Variants in FAM184A observed in about 807,000 individuals in gnomAD.
FAM184A encodes family with sequence similarity 184 member A, also known as protein FAM184A.
Under a neutral mutation model 143.8 loss-of-function variants are expected in FAM184A, and 99 were observed. That is an observed-to-expected ratio of 0.69 (90% CI 0.58 to 0.81). The LOEUF is 0.81. Among genes scored for constraint, FAM184A ranks in the 40% least tolerant of loss-of-function variants. The pLI, the probability that FAM184A is intolerant of heterozygous loss-of-function variation, is 0.00. For missense variants in FAM184A, 1,217 were observed against 1,310.5 expected (o/e 0.93, Z 1.10); for synonymous variants, 427 against 446.4 (o/e 0.96, Z 0.55).
At chr6:119,036,563 A>C (rs1786122168) in intron 1 of FAM184A, among the ~76,000 whole-genome samples, 1 of 151,992 alleles carries the variant, frequency 6.6e-6, no homozygotes, top group African/African-American at 2.4e-5. Flanking sequence ...GTTTCCCCAG[A>C]TTTAACTTGA....
intron 17 of FAM184A, among the ~76,000 whole-genome samples, chr6:118,961,341 TTATAAA>T (rs1783317262): frequency 6.7e-6 from 1 of 149,636 alleles, no homozygotes; most frequent in Non-Finnish European, 1.5e-5. Flanking sequence ...ATATATATAT[TTATAAA>T]TAATCTTGGT....
chr6:119,019,570 A>G (rs896748549), intron 4 of FAM184A, among the ~76,000 whole-genome samples: 3 of 152,204 alleles, frequency 2.0e-5, no homozygotes, highest in Non-Finnish European at 2.9e-5. Flanking sequence ...TAGAAATTCA[A>G]TTATCTTGGT....
intron 1 of FAM184A, among the ~76,000 whole-genome samples, chr6:119,092,974 A>G (rs1023394183): frequency 4.6e-5 from 7 of 152,222 alleles, no homozygotes; most frequent in Non-Finnish European, 5.9e-5. Context: ...AACCCTGGTT[A>G]CCCCTATAGT....
intron 14 of FAM184A, among the ~76,000 whole-genome samples, chr6:118,967,630 A>G (rs1783542611): frequency 6.6e-6 from 1 of 152,202 alleles, no homozygotes; most frequent in Non-Finnish European, 1.5e-5. Context: ...GCCACTTTTT[A>G]TAAGCAGGTG....
chr6:119,009,922 A>C (rs1785039959), intron 6 of FAM184A, among the ~76,000 whole-genome samples: 1 of 152,204 alleles, frequency 6.6e-6, no homozygotes, highest in Non-Finnish European at 1.5e-5. Flanking sequence ...AATTAAGAAT[A>C]AAATCTCTTT....
At chr6:119,023,840 A>ATTAT in intron 2 of FAM184A, 119 bp downstream of exon 2, 1 of 676,838 alleles carries the variant, frequency 1.5e-6, no homozygotes, top group Non-Finnish European at 2.2e-6. Flanking sequence ...AAAAAAAAAA[A>ATTAT]AAGTCTAAGT....
At chr6:119,032,995 T>TAC (rs1260465959) in intron 1 of FAM184A, among the ~76,000 whole-genome samples, 1 of 152,154 alleles carries the variant, frequency 6.6e-6, no homozygotes, top group Non-Finnish European at 1.5e-5. Flanking sequence ...AGCAGGAACA[T>TAC]ACACTAAACC....
intron 1 of FAM184A, among the ~76,000 whole-genome samples, chr6:119,064,502 A>T (rs1001493842): frequency 6.6e-6 from 1 of 152,176 alleles, no homozygotes. Flanking sequence ...GAAGTTTGAG[A>T]TCAGCCTGGC....
chr6:119,148,075 C>A (rs973634425), intron 1 of FAM184A, among the ~76,000 whole-genome samples: 1 of 152,240 alleles, frequency 6.6e-6, no homozygotes, highest in Non-Finnish European at 1.5e-5. Context: ...AACCTGCTTA[C>A]TGTCAACCCA....
At chr6:119,061,749 A>G (rs1402435004) in intron 1 of FAM184A, among the ~76,000 whole-genome samples, 1 of 151,814 alleles carries the variant, frequency 6.6e-6, no homozygotes, top group Admixed American at 6.6e-5. Flanking sequence ...CAAAGGACTT[A>G]TAAAAACGTG....
At chr6:119,115,225 T>C (rs1451905836) in intron 1 of FAM184A, among the ~76,000 whole-genome samples, 1 of 152,248 alleles carries the variant, frequency 6.6e-6, no homozygotes, top group Admixed American at 6.5e-5. Flanking sequence ...TGAATTTTCA[T>C]ATTCCAACAA....
At chr6:119,086,909 AC>A (rs556544728) in intron 1 of FAM184A, among the ~76,000 whole-genome samples, 29 of 152,322 alleles carry the variant, frequency 1.9e-4, no homozygotes, top group South Asian at 4.1e-4. Flanking sequence ...GAGAGTAGGA[AC>A]AAAAAAGGAT....
chr6:119,093,055 A>G (rs1358646997), intron 1 of FAM184A, among the ~76,000 whole-genome samples: 2 of 152,076 alleles, frequency 1.3e-5, no homozygotes, highest in Non-Finnish European at 2.9e-5. Context: ...CTCTCAAATA[A>G]TTGAATTCTT....
At chr6:119,033,647 A>G (rs944188890) in intron 1 of FAM184A, among the ~76,000 whole-genome samples, 41 of 149,010 alleles carry the variant, frequency 2.8e-4, no homozygotes, top group Non-Finnish European at 5.8e-4. Context: ...CCCGGACGAC[A>G]GAGTGAGACT....
chr6:119,124,134 T>C (rs545945047), intron 1 of FAM184A, among the ~76,000 whole-genome samples: 1 of 152,352 alleles, frequency 6.6e-6, no homozygotes, highest in South Asian at 2.1e-4. Context: ...CCAATCAGTA[T>C]TTATGCAGTT....
rs766924104 is a variant in FAM184A, at chr6:118,980,140, T to C, written c.2299A>G (p.Arg767Gly). ...AACGTATGTCACATAAAACTTACTC[T>C]TTGCTCCTTTTCCTTTTCCTCTTCC... ...TMEEEKEKEQ[R>G]ALENHLQQKH... Residue 767 changes from arginine to glycine, a missense_variant and splice_region_variant, in exon 10 of 18, where the codon AGA becomes GGA. Transcript: ENST00000338891. 2 of 1,612,940 alleles carry C rather than the reference T, an allele frequency of 1.2e-6. No homozygotes were observed. The highest frequency in any genetic ancestry group is 2.2e-5 in the South Asian group (2 of 91,056).
chr6:119,079,879 G>C (rs1390081263), upstream of FAM184A, among the ~76,000 whole-genome samples: 3 of 152,202 alleles, frequency 2.0e-5, no homozygotes, highest in Non-Finnish European at 4.4e-5. Flanking sequence ...TCTTTTCCCA[G>C]ATGCTAGGTA....
chr6:119,125,896 G>A (rs1355635875), intron 1 of FAM184A, among the ~76,000 whole-genome samples: 1 of 152,180 alleles, frequency 6.6e-6, no homozygotes, highest in Non-Finnish European at 1.5e-5. Flanking sequence ...ATCTGTTGTA[G>A]TTTCAGTGTA....
chr6:119,086,840 C>G (rs546743770), intron 1 of FAM184A, among the ~76,000 whole-genome samples: 11 of 152,278 alleles, frequency 7.2e-5, no homozygotes, highest in Non-Finnish European at 1.2e-4. Flanking sequence ...GACTAGTTAG[C>G]AGGCTATTGC....
Sources: allele counts gnomAD v4.1 joint callset (sites outside exome capture counted in the v4.1 genomes callset), GRCh38; gene constraint gnomAD v4.1.1; transcripts MANE v1.5; gene names NCBI Gene and HGNC (gene_info 2026-07-23, HGNC 2026-07-21).